Variants in NRXN3 observed in about 807,000 individuals in gnomAD.
NRXN3 encodes neurexin III.
Under a neutral mutation model 137.6 loss-of-function variants are expected in NRXN3, and 32 were observed. The ratio of observed to expected loss-of-function variants is 0.23; its 90% CI spans 0.18 to 0.31. The LOEUF (loss-of-function observed/expected upper bound fraction) is 0.31, where lower values mean the gene tolerates loss of function less well. Ranked by LOEUF, NRXN3 falls within the 10% of genes least tolerant of loss-of-function variation. The probability of loss-of-function intolerance (pLI) is 1.00; values close to 1 mark genes in which losing one functional copy is unlikely to be tolerated. For missense variants in NRXN3, 1,574 were observed against 2,062.5 expected (o/e 0.76, Z 4.59); for synonymous variants, 798 against 784.5 (o/e 1.02, Z -0.29).
chr14:78,921,493 T>G (rs1424461058), intron 10 of NRXN3, among the ~76,000 whole-genome samples: 1 of 152,208 alleles, frequency 6.6e-6, no homozygotes, highest in African/African-American at 2.4e-5. Flanking sequence ...GGGTGTGGAA[T>G]GGACGGGAAA....
chr14:78,194,699 C>A (rs995334682), intron 1 of NRXN3, among the ~76,000 whole-genome samples: 4 of 152,104 alleles, frequency 2.6e-5, no homozygotes, highest in Non-Finnish European at 5.9e-5. Context: ...CAGAGGGGCT[C>A]CAGAGGCGGA....
intron 15 of NRXN3, among the ~76,000 whole-genome samples, chr14:79,367,137 C>T (rs2093926680): frequency 6.6e-6 from 1 of 152,062 alleles, no homozygotes; most frequent in Non-Finnish European, 1.5e-5. Flanking sequence ...GCGTCCACCA[C>T]CACGCCTAGC....
At chr14:79,710,232 T>C (rs1161333768) in intron 19 of NRXN3, among the ~76,000 whole-genome samples, 1 of 152,206 alleles carries the variant, frequency 6.6e-6, no homozygotes, top group Non-Finnish European at 1.5e-5. Flanking sequence ...ATATAACTTA[T>C]GCAAATTATA....
intron 15 of NRXN3, among the ~76,000 whole-genome samples, chr14:79,181,057 CATATATATATAT>C (rs3035618): frequency 3.4e-5 from 5 of 145,062 alleles, no homozygotes; most frequent in Non-Finnish European, 7.6e-5. Flanking sequence ...TGTCTGTGTG[CATATATATATAT>C]ATATATATAT....
At chr14:79,183,138 C>T (rs1401071970) in intron 15 of NRXN3, among the ~76,000 whole-genome samples, 1 of 152,106 alleles carries the variant, frequency 6.6e-6, no homozygotes, top group Non-Finnish European at 1.5e-5. Flanking sequence ...TTTTTATACC[C>T]TTAATTCTAA....
intron 15 of NRXN3, among the ~76,000 whole-genome samples, chr14:79,149,972 A>T (rs753458525): frequency 3.9e-5 from 6 of 152,128 alleles, no homozygotes; most frequent in Non-Finnish European, 4.4e-5. Context: ...CCTGTGTAAC[A>T]AACCTGCACA....
intron 4 of NRXN3, among the ~76,000 whole-genome samples, chr14:78,336,499 C>T (rs1030560751): frequency 6.6e-6 from 1 of 152,096 alleles, no homozygotes; most frequent in African/African-American, 2.4e-5. Flanking sequence ...GGTCAAGACC[C>T]TGCTCTCATG....
At chr14:79,026,280 C>T (rs2152467127) in intron 15 of NRXN3, among the ~76,000 whole-genome samples, 1 of 152,238 alleles carries the variant, frequency 6.6e-6, no homozygotes, top group East Asian at 1.9e-4. Flanking sequence ...TCAATTGTTA[C>T]TGAATATTGG....
chr14:78,344,364 C>T (rs2082472285), intron 4 of NRXN3, among the ~76,000 whole-genome samples: 1 of 152,232 alleles, frequency 6.6e-6, no homozygotes. Flanking sequence ...CAGCATTTAC[C>T]TCCAGCAACT....
intron 2 of NRXN3, among the ~76,000 whole-genome samples, chr14:78,273,115 G>A (rs1450398581): frequency 6.6e-6 from 1 of 152,092 alleles, no homozygotes; most frequent in Non-Finnish European, 1.5e-5. Flanking sequence ...AGCTTTATTA[G>A]GATTAATATT....
chr14:78,651,299 C>T lies in NRXN3; in HGVS notation c.1194C>T (p.Ser398=). ...CTGACTTGCCTGGCTCCCCTGTCAGCAACAACTTCATGGGCTGCCTTAAAG... is the reference window on the plus strand; with the variant it reads ...CTGACTTGCCTGGCTCCCCTGTCAGTAACAACTTCATGGGCTGCCTTAAAG... ...STADLPGSPV[S]NNFMGCLKEV... is the part of the protein sequence containing the mutation. Residue 398 remains serine, a synonymous_variant, in exon 6 of 21, where the codon AGC becomes AGT. Transcript: ENST00000335750. 1.2e-6 allele frequency: 2 copies of T among 1,613,982 alleles called. No homozygotes were observed. Among genetic ancestry groups the T allele is most frequent in the African/African-American group, 2.7e-5 (2 of 75,018 alleles).
At chr14:79,785,871 C>T (rs373426145) in intron 19 of NRXN3, among the ~76,000 whole-genome samples, 1 of 151,992 alleles carries the variant, frequency 6.6e-6, no homozygotes. Flanking sequence ...GTCTCCTTAA[C>T]ATCATCTGCT....
intron 17 of NRXN3, among the ~76,000 whole-genome samples, chr14:79,664,579 A>T (rs971474554): frequency 1.6e-4 from 24 of 152,140 alleles, no homozygotes; most frequent in African/African-American, 5.8e-4. Context: ...GGGGTTAATC[A>T]TCTGTTTAAA....
chr14:78,488,718 A>C (rs1319099368), intron 4 of NRXN3, among the ~76,000 whole-genome samples: 1 of 151,458 alleles, frequency 6.6e-6, no homozygotes, highest in Non-Finnish European at 1.5e-5. Context: ...GGAGATGGAG[A>C]AATAAGGCAA....
intron 15 of NRXN3, among the ~76,000 whole-genome samples, chr14:79,341,579 A>C (rs1006426769): frequency 6.6e-6 from 1 of 152,190 alleles, no homozygotes; most frequent in African/African-American, 2.4e-5. Flanking sequence ...TTTAAGAAAC[A>C]TTCCTTTCAG....
chr14:78,816,240 T>C (rs1245991348), intron 10 of NRXN3, among the ~76,000 whole-genome samples: 2 of 152,130 alleles, frequency 1.3e-5, no homozygotes, highest in Admixed American at 6.6e-5. Context: ...AAAGGCAAAA[T>C]AGTAAAAATT....
intron 4 of NRXN3, among the ~76,000 whole-genome samples, chr14:78,529,973 A>C (rs2096436849): frequency 6.6e-6 from 1 of 152,238 alleles, no homozygotes; most frequent in African/African-American, 2.4e-5. Context: ...GGAAGTCAAT[A>C]ATACTTGTTG....
intron 8 of NRXN3, among the ~76,000 whole-genome samples, chr14:78,752,965 C>T (rs897790860): frequency 1.3e-5 from 2 of 152,158 alleles, no homozygotes; most frequent in Non-Finnish European, 1.5e-5. Flanking sequence ...CATTGGCCCA[C>T]GCACACTGCA....
intron 4 of NRXN3, among the ~76,000 whole-genome samples, chr14:78,411,645 G>A (rs982910256): frequency 6.6e-6 from 1 of 152,146 alleles, no homozygotes; most frequent in Non-Finnish European, 1.5e-5. Flanking sequence ...TCTCTGGAAG[G>A]GTATAGGCCC....
Sources: gnomAD v4.1 joint callset for allele counts (sites outside exome capture counted in the v4.1 genomes callset) on GRCh38, gnomAD v4.1.1 for gene constraint, MANE v1.5 for transcripts, NCBI Gene and HGNC (gene_info 2026-07-23, HGNC 2026-07-21) for gene names.